The following AGBL4 variants were observed in gnomAD, a reference collection of about 807,000 sequenced individuals.
AGBL4 encodes cytosolic carboxypeptidase 6.
A neutral mutation model predicts 66.4 loss-of-function variants in AGBL4; 58 were observed. The observed-to-expected ratio is 0.87, with a 90% confidence interval of 0.71 to 1.09. The LOEUF is 1.09. AGBL4 is among the 50% of genes least tolerant of loss of function. The pLI, the probability that AGBL4 is intolerant of heterozygous loss-of-function variation, is 0.00. For synonymous variants in AGBL4, 234 were observed against 222.9 expected (o/e 1.05, Z -0.44); for missense variants, 579 against 631.0 (o/e 0.92, Z 0.88).
At chr1:48,650,494 CTCCCTATCTCCCTCCTTGCCTCCT>C (rs1363624663) in intron 8 of AGBL4, among the ~76,000 whole-genome samples, 1 of 151,072 alleles carries the variant, frequency 6.6e-6, no homozygotes, top group Non-Finnish European at 1.5e-5. Context: ...TACTTCCTTC[CTCCCTATCTCCCTCCTTGCCTCCT>C]TCCCTCTCTC....
At chr1:49,214,335 G>C (rs1287589508) in intron 4 of AGBL4, among the ~76,000 whole-genome samples, 1 of 152,138 alleles carries the variant, frequency 6.6e-6, no homozygotes, top group Non-Finnish European at 1.5e-5. Context: ...AATTGGAGCA[G>C]AATTTTGTCC....
intron 5 of AGBL4, among the ~76,000 whole-genome samples, chr1:48,954,678 G>A (rs1657284568): frequency 6.6e-6 from 1 of 152,188 alleles, no homozygotes; most frequent in East Asian, 1.9e-4. Flanking sequence ...AAACTTCTAT[G>A]AGTATGATGT....
chr1:49,085,958 C>T (rs1644899904), intron 4 of AGBL4, among the ~76,000 whole-genome samples: 1 of 152,162 alleles, frequency 6.6e-6, no homozygotes, highest in Non-Finnish European at 1.5e-5. Flanking sequence ...GTAGAGGCTG[C>T]AGTCATAGTA....
chr1:49,055,491 A>C (rs1346571213), intron 4 of AGBL4, among the ~76,000 whole-genome samples: 1 of 152,074 alleles, frequency 6.6e-6, no homozygotes, highest in Non-Finnish European at 1.5e-5. Context: ...ATGTTCTATA[A>C]AGAATAATTA....
intron 1 of AGBL4, chr1:49,865,788 G>T (rs1381441333): frequency 6.0e-6 from 1 of 166,788 alleles, no homozygotes; most frequent in African/African-American, 2.4e-5. Flanking sequence ...GGCTTCAAAA[G>T]ATAAGACAAT....
chr1:49,822,269 T>C (rs72903779), intron 2 of AGBL4, among the ~76,000 whole-genome samples: 7,530 of 152,116 alleles, frequency 0.05, 567 homozygotes, highest in African/African-American at 0.16. Context: ...TAAGTATTTT[T>C]CTTTTTTGTA....
chr1:49,851,657 G>T, intron 1 of AGBL4, 139 bp from the exon 2 acceptor site: 1 of 765,820 alleles, frequency 1.3e-6, no homozygotes, highest in African/African-American at 1.8e-5. Context: ...TTGTGGTACA[G>T]TGAAAAAAGG....
intron 1 of AGBL4, among the ~76,000 whole-genome samples, chr1:49,999,690 G>C (rs1268589878): frequency 6.6e-6 from 1 of 151,416 alleles, no homozygotes; most frequent in Non-Finnish European, 1.5e-5. Flanking sequence ...TATATCATAA[G>C]GCCAAAACAG....
intron 4 of AGBL4, among the ~76,000 whole-genome samples, chr1:49,057,002 T>C (rs977122265): frequency 4.6e-5 from 7 of 152,206 alleles, no homozygotes; most frequent in Non-Finnish European, 7.4e-5. Context: ...ACTTGTCTAC[T>C]ACATTTCCAT....
chr1:49,351,735 T>C (rs949943760), intron 3 of AGBL4, among the ~76,000 whole-genome samples: 15 of 152,192 alleles, frequency 9.9e-5, no homozygotes, highest in African/African-American at 3.4e-4. Flanking sequence ...AGAAAAGACA[T>C]TGGCCTAAGA....
In AGBL4 at chr1:49,935,658, A is replaced by G. The variant is rs1215385983; in HGVS notation, c.35-84140T>C. The stretch of plus-strand genomic sequence containing the variant: ...ACAAAACTTCCACAGGAACTATCAG[A>G]CAGCAGCATTCGCGGTTCATGAAAA... On this transcript the variant is annotated intron_variant, in intron 1 of 13. Coordinates refer to ENST00000371839, the MANE Select transcript of AGBL4 (RefSeq NM_032785.4). Among the ~76,000 whole-genome samples the G allele has an allele frequency of 2.6e-5, 4 of 152,226 alleles. No homozygotes were observed. In the East Asian group the frequency reaches 7.7e-4, roughly 29 times the overall value.
At chr1:49,023,644 G>C (rs1235197916) in intron 5 of AGBL4, among the ~76,000 whole-genome samples, 1 of 152,118 alleles carries the variant, frequency 6.6e-6, no homozygotes, top group African/African-American at 2.4e-5. Context: ...TTGCAAAGTT[G>C]TATTTATTAT....
chr1:49,639,683 C>T (rs989685145), intron 3 of AGBL4, among the ~76,000 whole-genome samples: 2 of 152,122 alleles, frequency 1.3e-5, no homozygotes, highest in African/African-American at 4.8e-5. Context: ...ATAAGAAAGC[C>T]TCTGCATTCA....
chr1:49,008,103 C>T (rs908679930), intron 5 of AGBL4, among the ~76,000 whole-genome samples: 13 of 152,044 alleles, frequency 8.6e-5, no homozygotes, highest in African/African-American at 2.2e-4. Context: ...AGAGTCAAGA[C>T]CCATCAGTGT....
intron 3 of AGBL4, among the ~76,000 whole-genome samples, chr1:49,693,338 A>G (rs1646924410): frequency 6.6e-6 from 1 of 152,186 alleles, no homozygotes; most frequent in Non-Finnish European, 1.5e-5. Flanking sequence ...TGTTCACTAC[A>G]TTGTTACTTA....
intron 6 of AGBL4, among the ~76,000 whole-genome samples, chr1:48,669,411 G>A (rs143671144): frequency 6.6e-6 from 1 of 152,268 alleles, no homozygotes; most frequent in East Asian, 1.9e-4. Flanking sequence ...ATTGTAGGAT[G>A]CCCAGCAGCA....
intron 6 of AGBL4, among the ~76,000 whole-genome samples, chr1:48,686,843 C>A (rs1324297130): frequency 6.6e-6 from 1 of 152,254 alleles, no homozygotes; most frequent in Non-Finnish European, 1.5e-5. Flanking sequence ...AGGGCCTAGT[C>A]AGTGCCCAGA....
chr1:49,221,997 G>A (rs866182951), intron 4 of AGBL4, among the ~76,000 whole-genome samples: 1 of 152,016 alleles, frequency 6.6e-6, no homozygotes, highest in Non-Finnish European at 1.5e-5. Flanking sequence ...TCTTACTAAC[G>A]GAAGGGCCTA....
At chr1:48,586,931 T>C (rs1644831025) in intron 11 of AGBL4, 73 bp downstream of exon 11, 1 of 1,591,562 alleles carries the variant, frequency 6.3e-7, no homozygotes, top group African/African-American at 1.3e-5. Context: ...GGGGCCTAAT[T>C]CCTGACCTGT....
Sources: allele counts gnomAD v4.1 joint callset (sites outside exome capture counted in the v4.1 genomes callset), GRCh38; gene constraint gnomAD v4.1.1; transcripts MANE v1.5; gene names NCBI Gene and HGNC (gene_info 2026-07-23, HGNC 2026-07-21).